The following SGSM1 variants were observed in gnomAD, a reference collection of about 807,000 sequenced individuals.
The protein encoded by SGSM1 is small G protein signaling modulator 1, also known as RUN and TBC1 domain containing 2.
Under a neutral mutation model 133.8 loss-of-function variants are expected in SGSM1, and 73 were observed. The ratio of observed to expected loss-of-function variants is 0.55; its 90% confidence interval spans 0.45 to 0.66. The LOEUF is 0.66. Ranked by LOEUF, SGSM1 falls within the 30% of genes least tolerant of loss-of-function variation. The pLI is 0.00. For missense variants in SGSM1, 1,213 were observed against 1,448.1 expected, an observed-to-expected ratio of 0.84 and a Z score of 2.64; for synonymous variants, 563 against 573.0, an observed-to-expected ratio of 0.98 and a Z score of 0.25.
At chr22:24,882,277 C>CT (rs750724820) in intron 14 of SGSM1, among the ~76,000 whole-genome samples, 7 of 152,086 alleles carry the variant, frequency 4.6e-5, no homozygotes, top group Non-Finnish European at 8.8e-5. Context: ...ACTATGTTGC[C>CT]TAGGCTGGTC....
intron 2 of SGSM1, among the ~76,000 whole-genome samples, chr22:24,814,749 T>C (rs1241407747): frequency 6.6e-6 from 1 of 152,162 alleles, no homozygotes; most frequent in Admixed American, 6.5e-5. Flanking sequence ...GATCTTGCTG[T>C]CTCTAGGTAA....
intron 2 of SGSM1, among the ~76,000 whole-genome samples, chr22:24,826,807 C>T (rs973902400): frequency 1.3e-5 from 2 of 152,038 alleles, no homozygotes; most frequent in Non-Finnish European, 1.5e-5. Context: ...TTTTCCAGCC[C>T]TCATGGTGTG....
chr22:24,902,913 C>T (rs973543097), intron 20 of SGSM1, among the ~76,000 whole-genome samples: 10 of 152,044 alleles, frequency 6.6e-5, no homozygotes, highest in African/African-American at 9.7e-5. Flanking sequence ...TGATTGTATA[C>T]GCCTATAGTC....
intron 2 of SGSM1, among the ~76,000 whole-genome samples, chr22:24,831,357 T>G (rs932894503): frequency 2.6e-5 from 4 of 152,006 alleles, no homozygotes; most frequent in Admixed American, 1.3e-4. Context: ...TGAGTTATCC[T>G]GAGTTGGGGC....
intron 1 of SGSM1, 29 bp from the exon 2 acceptor site, chr22:24,806,412 A>C (rs1196837872): frequency 6.6e-7 from 1 of 1,521,838 alleles, no homozygotes; most frequent in Non-Finnish European, 8.8e-7. Flanking sequence ...CTCTCGGCTG[A>C]CCCGCGGCTC....
At chr22:24,887,138 T>TG (rs1601956574) in intron 16 of SGSM1, among the ~76,000 whole-genome samples, 1 of 148,500 alleles carries the variant, frequency 6.7e-6, no homozygotes. Context: ...TGTGTGTGTG[T>TG]TTTCTCTGCA....
At chr22:24,860,760 C>T (rs949951734) in intron 9 of SGSM1, among the ~76,000 whole-genome samples, 1 of 149,380 alleles carries the variant, frequency 6.7e-6, no homozygotes, top group African/African-American at 2.5e-5. Context: ...AATTGCCAGG[C>T]ATGGTGGCAC....
chr22:24,897,773 T>C (rs1274392420), intron 18 of SGSM1, among the ~76,000 whole-genome samples, 199 bp from the exon 19 acceptor site: 2 of 152,206 alleles, frequency 1.3e-5, no homozygotes, highest in Non-Finnish European at 2.9e-5. Flanking sequence ...CCAGCCTAGA[T>C]CACTTTCTTA....
At chr22:24,895,945 A>G (rs1367280069) in intron 18 of SGSM1, among the ~76,000 whole-genome samples, 4 of 152,054 alleles carry the variant, frequency 2.6e-5, no homozygotes, top group Admixed American at 2.6e-4. Context: ...GCTGCTCCGG[A>G]GGCTAAGGTG....
At chr22:24,889,536 A>G (rs928261712) in intron 16 of SGSM1, among the ~76,000 whole-genome samples, 1 of 151,780 alleles carries the variant, frequency 6.6e-6, no homozygotes, top group East Asian at 1.9e-4. Flanking sequence ...GGGCCTCCCA[A>G]GTAGCTGGGA....
intron 21 of SGSM1, among the ~76,000 whole-genome samples, chr22:24,908,102 A>G (rs936849540): frequency 2.0e-5 from 3 of 152,176 alleles, no homozygotes; most frequent in African/African-American, 7.2e-5. Context: ...TACTAAGACA[A>G]TTCAACTCAG....
intron 5 of SGSM1, among the ~76,000 whole-genome samples, chr22:24,851,497 A>G (rs1930483480): frequency 6.7e-6 from 1 of 149,630 alleles, no homozygotes; most frequent in Non-Finnish European, 1.5e-5. Flanking sequence ...ATATCTCAGA[A>G]TCTCTCCATC....
intron 15 of SGSM1, among the ~76,000 whole-genome samples, chr22:24,886,183 C>G (rs1932586747): frequency 6.6e-6 from 1 of 150,856 alleles, no homozygotes; most frequent in African/African-American, 2.4e-5. Flanking sequence ...CGAGACCACC[C>G]TGGGGTCAGG....
intron 16 of SGSM1, 73 bp from the exon 17 acceptor site, chr22:24,893,358 T>C (rs1932846947): frequency 6.6e-7 from 1 of 1,520,282 alleles, no homozygotes; most frequent in Non-Finnish European, 9.0e-7. Flanking sequence ...AGCCACTCTC[T>C]TCCACGTTGG....
At chr22:24,858,389 T>G (rs533057298) in intron 8 of SGSM1, among the ~76,000 whole-genome samples, 241 of 151,978 alleles carry the variant, frequency 1.6e-3, no homozygotes, top group African/African-American at 5.6e-3. Context: ...CCAAGGCGGG[T>G]GGATTACCTG....
intron 12 of SGSM1, chr22:24,874,650 C>A: frequency 6.7e-7 from 1 of 1,486,712 alleles, no homozygotes; most frequent in South Asian, 1.4e-5. Flanking sequence ...CATTTGAGTT[C>A]TGGTCCCAAG....
intron 2 of SGSM1, among the ~76,000 whole-genome samples, chr22:24,820,396 A>G (rs1022531810): frequency 2.8e-4 from 42 of 152,320 alleles, no homozygotes; most frequent in African/African-American, 9.4e-4. Flanking sequence ...GTGCCTATTT[A>G]TAGCAAGCCA....
At chr22:24,854,872 T>C in intron 5 of SGSM1, 124 bp from the exon 6 acceptor site, 2 of 680,402 alleles carry the variant, frequency 2.9e-6, no homozygotes, top group East Asian at 5.4e-5. Flanking sequence ...ATCCCCATTT[T>C]ACAGATGGGG....
intron 16 of SGSM1, among the ~76,000 whole-genome samples, chr22:24,888,837 G>C (rs1162514192): frequency 6.6e-6 from 1 of 151,834 alleles, no homozygotes; most frequent in Non-Finnish European, 1.5e-5. Flanking sequence ...TCTGTTTCTG[G>C]GTTCTTCTGT....
Sources: allele counts gnomAD v4.1 joint callset (sites outside exome capture counted in the v4.1 genomes callset), GRCh38; gene constraint gnomAD v4.1.1; transcripts MANE v1.5; gene names NCBI Gene and HGNC (gene_info 2026-07-23, HGNC 2026-07-21).